GRAMD1B: variants seen among roughly 807,000 people sequenced by gnomAD.
GRAMD1B encodes the protein GRAM domain containing 1B, also known as protein Aster-B.
In GRAMD1B, 37 loss-of-function variants were observed where a neutral mutation model predicts 99.7. The ratio of observed to expected loss-of-function variants is 0.37; its 90% CI spans 0.29 to 0.49. The LOEUF (loss-of-function observed/expected upper bound fraction) is 0.49. Among genes scored for constraint, GRAMD1B ranks in the 20% least tolerant of loss-of-function variants. The pLI is 0.98. For missense variants in GRAMD1B, 888 were observed against 1,009.2 expected (o/e 0.88, Z 1.63); for synonymous variants, 427 against 387.6 (o/e 1.10, Z -1.19).
chr11:123,568,099 A>AT (rs1428914288), intron 2 of GRAMD1B, among the ~76,000 whole-genome samples: 2 of 151,120 alleles, frequency 1.3e-5, no homozygotes, highest in African/African-American at 2.4e-5. Flanking sequence ...CTTTGTAAAA[A>AT]TTTTTTAAAG....
chr11:123,383,163 C>T (rs537995927), intron 1 of GRAMD1B, among the ~76,000 whole-genome samples: 1 of 151,982 alleles, frequency 6.6e-6, no homozygotes, highest in African/African-American at 2.4e-5. Flanking sequence ...CTGGGGCTGA[C>T]CTGGACTTGA....
intron 2 of GRAMD1B, among the ~76,000 whole-genome samples, chr11:123,549,267 G>A (rs1945371702): frequency 6.6e-6 from 1 of 152,118 alleles, no homozygotes; most frequent in African/African-American, 2.4e-5. Flanking sequence ...TGTGGGGGCC[G>A]GGCGCAGCAG....
chr11:123,543,144 C>A (rs1944713299), intron 2 of GRAMD1B, among the ~76,000 whole-genome samples: 1 of 152,110 alleles, frequency 6.6e-6, no homozygotes, highest in East Asian at 1.9e-4. Context: ...GGTGGGAAGA[C>A]ACCAGGGAGC....
chr11:123,445,946 A>C (rs746576550), intron 1 of GRAMD1B, among the ~76,000 whole-genome samples: 2 of 152,114 alleles, frequency 1.3e-5, no homozygotes, highest in Non-Finnish European at 2.9e-5. Flanking sequence ...AGTTCTACCT[A>C]AGATCTAACT....
chr11:123,391,712 C>T (rs1591414256), intron 1 of GRAMD1B, among the ~76,000 whole-genome samples: 1 of 152,078 alleles, frequency 6.6e-6, no homozygotes, highest in African/African-American at 2.4e-5. Context: ...CACCTTGGCC[C>T]CCCAAAGTGC....
intron 1 of GRAMD1B, among the ~76,000 whole-genome samples, chr11:123,470,397 C>T (rs1361792549): frequency 2.6e-5 from 4 of 152,080 alleles, no homozygotes; most frequent in African/African-American, 9.7e-5. Flanking sequence ...GATGTCCAGG[C>T]TGGACTTAAA....
intron 2 of GRAMD1B, among the ~76,000 whole-genome samples, chr11:123,561,593 G>A (rs1287148739): frequency 6.6e-6 from 1 of 152,214 alleles, no homozygotes; most frequent in Non-Finnish European, 1.5e-5. Flanking sequence ...GCTGGGGGAG[G>A]ACTTGGAGCT....
Position 123,609,835 on chromosome 11 carries a change from C to T in GRAMD1B, c.1698C>T (p.Asn566=), listed in dbSNP as rs1331612927. 1.2e-6 allele frequency: 2 copies of T among 1,603,964 alleles called. No homozygotes were observed. The highest frequency in any genetic ancestry group is 2.7e-5 in the African/African-American group (2 of 74,742). Residue 566 remains asparagine (N), a synonymous_variant, in exon 13 of 20, where the codon AAC becomes AAT. Coordinates refer to ENST00000635736, the MANE Select transcript of GRAMD1B (RefSeq NM_001387025.1). ...CATGGAAAAAGGAGGAGAATGGAAA[C>T]CAGAGCCGAGTGATTCTTTACACCA... ...FHPWKKEENG[N]QSRVILYTIT...
chr11:123,392,900 A>G (rs909644619), intron 1 of GRAMD1B, among the ~76,000 whole-genome samples: 1 of 152,314 alleles, frequency 6.6e-6, no homozygotes, highest in Non-Finnish European at 1.5e-5. Flanking sequence ...CAAGATTTTT[A>G]GACGTTTTAC....
intron 2 of GRAMD1B, among the ~76,000 whole-genome samples, chr11:123,542,402 T>C (rs566395692): frequency 6.6e-6 from 1 of 152,354 alleles, no homozygotes; most frequent in Admixed American, 6.5e-5. Context: ...GCGAATAGTC[T>C]GAGGGTTTTG....
At chr11:123,394,480 C>T (rs1244975886) in intron 1 of GRAMD1B, among the ~76,000 whole-genome samples, 1 of 152,220 alleles carries the variant, frequency 6.6e-6, no homozygotes, top group Non-Finnish European at 1.5e-5. Flanking sequence ...CCTCCCAACA[C>T]ATTGTGATGC....
At chr11:123,550,368 C>G (rs910280488) in intron 2 of GRAMD1B, among the ~76,000 whole-genome samples, 4 of 152,124 alleles carry the variant, frequency 2.6e-5, no homozygotes, top group African/African-American at 9.7e-5. Flanking sequence ...TCCTTCCCCC[C>G]AGACTCACAC....
At chr11:123,611,916 G>A (rs1023530457) in intron 14 of GRAMD1B, among the ~76,000 whole-genome samples, 1 of 152,152 alleles carries the variant, frequency 6.6e-6, no homozygotes, top group Non-Finnish European at 1.5e-5. Context: ...ATGAACCTAA[G>A]GGGGAGGCAA....
At chr11:123,497,010 C>T (rs1939364288) in intron 2 of GRAMD1B, among the ~76,000 whole-genome samples, 1 of 152,042 alleles carries the variant, frequency 6.6e-6, no homozygotes, top group African/African-American at 2.4e-5. Context: ...GGTGTTGATG[C>T]TTGTAGATGT....
chr11:123,577,706 C>T (rs1213708399), intron 3 of GRAMD1B, 129 bp downstream of exon 3: 2 of 696,438 alleles, frequency 2.9e-6, no homozygotes, highest in Non-Finnish European at 5.0e-6. Context: ...CAGAGACAGT[C>T]ATTATCCAGT....
chr11:123,388,583 A>C (rs761019439), intron 1 of GRAMD1B, among the ~76,000 whole-genome samples: 44 of 152,200 alleles, frequency 2.9e-4, no homozygotes, highest in Admixed American at 5.9e-4. Context: ...CTGAGGTGGG[A>C]GGATCACTTG....
intron 2 of GRAMD1B, among the ~76,000 whole-genome samples, chr11:123,539,117 C>T (rs867291933): frequency 6.6e-6 from 1 of 152,094 alleles, no homozygotes; most frequent in Middle Eastern, 3.4e-3. Context: ...CCCAGCTACT[C>T]GGCAGGCCAA....
chr11:123,493,294 G>C (rs1047794167), intron 2 of GRAMD1B, among the ~76,000 whole-genome samples: 2 of 152,178 alleles, frequency 1.3e-5, no homozygotes, highest in African/African-American at 4.8e-5. Context: ...ATTGAACTGA[G>C]ATAAAATAAG....
intron 1 of GRAMD1B, 21 bp downstream of exon 1, chr11:123,431,187 T>G (rs1432002459): frequency 1.5e-6 from 1 of 686,490 alleles, no homozygotes; most frequent in African/African-American, 1.8e-5. Context: ...GTTCCGCCCG[T>G]CTCCTTCCCT....
Sources: allele counts gnomAD v4.1 joint callset (sites outside exome capture counted in the v4.1 genomes callset), GRCh38; gene constraint gnomAD v4.1.1; transcripts MANE v1.5; gene names NCBI Gene and HGNC (gene_info 2026-07-23, HGNC 2026-07-21).